Variants in RHPN2 observed in about 807,000 individuals in gnomAD.
RHPN2 encodes rhophilin-2.
A neutral mutation model predicts 79.0 loss-of-function variants in RHPN2; 40 were observed. The ratio of observed to expected loss-of-function variants is 0.51; its 90% confidence interval spans 0.39 to 0.66. The LOEUF is 0.66. Ranked by LOEUF, RHPN2 falls within the 30% of genes least tolerant of loss-of-function variation. The pLI is 0.00. For missense variants in RHPN2, 686 were observed against 883.5 expected, an observed-to-expected ratio of 0.78 and a Z score of 2.83; for synonymous variants, 285 against 363.5, an observed-to-expected ratio of 0.78 and a Z score of 2.46.
chr19:33,045,401 A>G (rs1972134197), intron 1 of RHPN2, among the ~76,000 whole-genome samples: 1 of 151,766 alleles, frequency 6.6e-6, no homozygotes, highest in South Asian at 2.1e-4. Context: ...TCCATATACC[A>G]TACGTTTTGC....
At chr19:32,982,596 C>T (rs2145997007) in intron 14 of RHPN2, among the ~76,000 whole-genome samples, 1 of 152,038 alleles carries the variant, frequency 6.6e-6, no homozygotes, top group South Asian at 2.1e-4. Context: ...AATAATAAAA[C>T]GAATAATCCT....
Position 33,002,959 on chromosome 19 carries a change from T to G in RHPN2, c.802A>C (p.Ser268Arg), listed in dbSNP as rs747294405. The stretch of plus-strand genomic sequence containing the variant: ...AGCATGGCAGGGCTCATGTCGTAAC[T>G]TGGAGTATGGGTAAATGTGTCTTTC... ...YLKDTFTHTP[S>R]YDMSPAMLSV... Residue 268 changes from serine to arginine, a missense_variant, in exon 8 of 15, where the codon AGT becomes CGT. By Grantham distance (110) the Ser-to-Arg change is moderately radical. Coordinates refer to ENST00000254260, the MANE Select transcript of RHPN2 (RefSeq NM_033103.5). The G allele has an allele frequency of 3.7e-6, 6 of 1,613,858 alleles. No homozygotes were observed. Among genetic ancestry groups the G allele is most frequent in the Non-Finnish European group, 5.1e-6 (6 of 1,179,876 alleles).
Position 32,979,841 on chromosome 19 carries a change from C to T in RHPN2, c.*155G>A. On this transcript the variant is annotated 3_prime_UTR_variant, in exon 15 of 15. Coordinates refer to ENST00000254260, the MANE Select transcript of RHPN2 (RefSeq NM_033103.5). ...CTAATTCCTAGAGGTTTCTTGGTTA[C>T]TTTCCTTCATAAAAACACATCAAAT... The T allele has an allele frequency of 3.2e-6, 3 of 951,676 alleles. No individual in the cohort carries two copies. Among genetic ancestry groups the T allele is most frequent in the South Asian group, 1.7e-5 (1 of 59,462 alleles). The allele number at this position is 951,676 out of a possible 1,614,324, so 59.0% of individuals were successfully genotyped here.
chr19:33,006,202 A>T (rs1452670932), intron 7 of RHPN2, among the ~76,000 whole-genome samples: 5 of 152,052 alleles, frequency 3.3e-5, no homozygotes, highest in African/African-American at 1.2e-4. Flanking sequence ...TTAAAAAAAA[A>T]AAATTCTTTT....
chr19:33,046,236 G>C (rs1363144102), intron 1 of RHPN2, among the ~76,000 whole-genome samples: 1 of 152,108 alleles, frequency 6.6e-6, no homozygotes, highest in East Asian at 1.9e-4. Context: ...AAAATGTCTA[G>C]ATCAGGTGGT....
chr19:33,056,505 A>G (rs1972234228), intron 1 of RHPN2, among the ~76,000 whole-genome samples: 1 of 152,182 alleles, frequency 6.6e-6, no homozygotes, highest in Non-Finnish European at 1.5e-5. Context: ...AATCTCTATC[A>G]GGATGCAGCA....
intron 14 of RHPN2, among the ~76,000 whole-genome samples, chr19:32,981,606 T>G (rs1971575624): frequency 6.6e-6 from 1 of 151,850 alleles, no homozygotes; most frequent in Non-Finnish European, 1.5e-5. Flanking sequence ...GATGTACAAG[T>G]ATTTCTATAT....
At chr19:33,046,414 C>T (rs1463729402) in intron 1 of RHPN2, among the ~76,000 whole-genome samples, 3 of 151,810 alleles carry the variant, frequency 2.0e-5, no homozygotes, top group Non-Finnish European at 2.9e-5. Context: ...TACAGGCGTG[C>T]ACCACCATGA....
intron 2 of RHPN2, among the ~76,000 whole-genome samples, chr19:33,029,849 G>T (rs188287136): frequency 1.1e-3 from 167 of 152,290 alleles, no homozygotes; most frequent in Admixed American, 2.2e-3. Flanking sequence ...GCTTCTAGGG[G>T]TCCTCTCCCA....
chr19:32,979,596 T>C lies in RHPN2; in HGVS notation c.*400A>G, dbSNP rs1833193893. On this transcript the variant is annotated 3_prime_UTR_variant, in exon 15 of 15. Coordinates refer to ENST00000254260, the MANE Select transcript of RHPN2 (RefSeq NM_033103.5). ...CTGACCTGCCTTAATTCCAGGATCA[T>C]CTGAATTCTAGGTTAAGGAATGATT... is the stretch of plus-strand genomic sequence containing the variant. 1 of 204,136 alleles carries C rather than the reference T, an allele frequency of 4.9e-6. No homozygotes were observed. Among genetic ancestry groups the C allele is most frequent in the South Asian group, 7.6e-5 (1 of 13,120 alleles). 12.6% of individuals were successfully genotyped at this position (204,136 alleles called of 1,614,324 possible).
rs1189270129 is a variant in RHPN2 at position 33,044,254 on chromosome 19, A to G, written c.180T>C (p.Leu60=). 3.7e-6 allele frequency: 6 copies of G among 1,612,764 alleles called. No individual in the cohort carries two copies. The highest frequency in any genetic ancestry group is 5.1e-6 in the Non-Finnish European group (6 of 1,178,934). The change falls in exon 2 of 15, where the codon CTT becomes CTC. Residue 60 remains leucine, a synonymous_variant. Transcript: ENST00000254260. ...GGAAGCCAGAAGACACCTACTTCAG[A>G]AGGTTTTCCGCTCCGGTCCTCATCC... The part of the protein sequence containing the change: ...AVRMRTGAEN[L]LKVATNSKVR...
chr19:33,035,800 C>T (rs979260757), intron 2 of RHPN2, among the ~76,000 whole-genome samples: 3 of 152,152 alleles, frequency 2.0e-5, no homozygotes, highest in African/African-American at 7.2e-5. Context: ...AGAACAAAGG[C>T]ATTCCTCAAT....
chr19:33,026,333 C>T (rs112371429), intron 3 of RHPN2, among the ~76,000 whole-genome samples, 171 bp downstream of exon 3: 1 of 152,036 alleles, frequency 6.6e-6, no homozygotes, highest in African/African-American at 2.4e-5. Context: ...GGGCTCATCC[C>T]TTCCAGTCTA....
chr19:32,986,213 G>A (rs1971612017), intron 14 of RHPN2, among the ~76,000 whole-genome samples: 1 of 152,158 alleles, frequency 6.6e-6, no homozygotes, highest in Admixed American at 6.5e-5. Context: ...CCCCTTCCTT[G>A]GCCTGGTGTA....
intron 2 of RHPN2, chr19:33,026,840 A>G: frequency 1.8e-6 from 1 of 554,506 alleles, no homozygotes; most frequent in South Asian, 1.7e-5. Flanking sequence ...GACACAGGCA[A>G]TGACACTGTG....
At chr19:33,012,808 CA>C (rs1887395561) in intron 4 of RHPN2, 84 bp from the exon 5 acceptor site, 2 of 780,776 alleles carry the variant, frequency 2.6e-6, no homozygotes, top group Admixed American at 4.0e-5. Flanking sequence ...ATTGTGAACC[CA>C]TTTTTAAAAA....
chr19:33,037,795 G>A (rs545051487), intron 2 of RHPN2, among the ~76,000 whole-genome samples: 38 of 152,256 alleles, frequency 2.5e-4, no homozygotes, highest in Admixed American at 1.2e-3. Context: ...CTGTAACACC[G>A]CGAGGGTCCG....
intron 3 of RHPN2, among the ~76,000 whole-genome samples, chr19:33,024,121 T>TCCAGAA (rs1971947652): frequency 1.3e-5 from 2 of 152,144 alleles, no homozygotes; most frequent in Admixed American, 1.3e-4. Flanking sequence ...CCATTAGCTG[T>TCCAGAA]CGCACTGACT....
At chr19:33,029,671 G>T (rs1022193209) in intron 2 of RHPN2, among the ~76,000 whole-genome samples, 1 of 152,168 alleles carries the variant, frequency 6.6e-6, no homozygotes. Context: ...GCTAAAGCAG[G>T]TTGACATCCA....
Sources: gnomAD v4.1 joint callset for allele counts (sites outside exome capture counted in the v4.1 genomes callset) on GRCh38, gnomAD v4.1.1 for gene constraint, MANE v1.5 for transcripts, NCBI Gene and HGNC (gene_info 2026-07-23, HGNC 2026-07-21) for gene names.